DLG2: variants seen among roughly 807,000 people sequenced by gnomAD.
The protein encoded by DLG2 is disks large homolog 2.
Under a neutral mutation model 132.5 loss-of-function variants are expected in DLG2, and 45 were observed. That is an observed-to-expected ratio of 0.34 (90% CI 0.27 to 0.44). The LOEUF (loss-of-function observed/expected upper bound fraction) is 0.44. Ranked by LOEUF, DLG2 falls within the 20% of genes least tolerant of loss-of-function variation. The pLI is 1.00. For synonymous variants in DLG2, 424 were observed against 419.6 expected (o/e 1.01, Z -0.13); for missense variants, 1,045 against 1,196.9 (o/e 0.87, Z 1.87).
At chr11:84,778,439 A>G (rs1222932894) in intron 6 of DLG2, among the ~76,000 whole-genome samples, 1 of 152,088 alleles carries the variant, frequency 6.6e-6, no homozygotes, top group African/African-American at 2.4e-5. Flanking sequence ...CTTCTGGTTC[A>G]TTTTTGATTC....
chr11:85,403,184 C>A (rs2088347753), intron 3 of DLG2, among the ~76,000 whole-genome samples: 1 of 152,132 alleles, frequency 6.6e-6, no homozygotes, highest in South Asian at 2.1e-4. Context: ...GAGTTATTGT[C>A]CTTTGCAGAG....
At chr11:84,033,422 T>A (rs145512064) in intron 11 of DLG2, among the ~76,000 whole-genome samples, 1 of 152,216 alleles carries the variant, frequency 6.6e-6, no homozygotes, top group African/African-American at 2.4e-5. Context: ...CCTGAAGATA[T>A]GACTGAATTG....
At chr11:84,374,853 C>A (rs1415549669) in intron 7 of DLG2, among the ~76,000 whole-genome samples, 1 of 152,148 alleles carries the variant, frequency 6.6e-6, no homozygotes, top group Non-Finnish European at 1.5e-5. Context: ...CCCATCTTCA[C>A]CAAACATCAT....
At chr11:83,586,627 A>G (rs942527229) in intron 19 of DLG2, among the ~76,000 whole-genome samples, 10 of 152,206 alleles carry the variant, frequency 6.6e-5, no homozygotes, top group African/African-American at 2.4e-4. Context: ...AGTGCCACAT[A>G]CTGTTCTAAG....
intron 5 of DLG2, among the ~76,000 whole-genome samples, chr11:85,112,695 G>A (rs187844851): frequency 6.6e-5 from 10 of 152,148 alleles, no homozygotes; most frequent in African/African-American, 2.4e-4. Context: ...ACTTTCTAGT[G>A]GAGAAAACAG....
At chr11:83,671,836 C>A (rs769767131) in intron 18 of DLG2, among the ~76,000 whole-genome samples, 6 of 152,198 alleles carry the variant, frequency 3.9e-5, no homozygotes, top group Non-Finnish European at 5.9e-5. Flanking sequence ...CTTTTCACCA[C>A]ATATATAATT....
intron 6 of DLG2, among the ~76,000 whole-genome samples, chr11:84,657,223 C>A (rs2099689319): frequency 1.3e-5 from 2 of 152,016 alleles, no homozygotes; most frequent in Non-Finnish European, 1.5e-5. Flanking sequence ...AATCTAATGG[C>A]CAAAAAGTTC....
chr11:84,721,499 G>T (rs997016451), intron 6 of DLG2, among the ~76,000 whole-genome samples: 2 of 149,816 alleles, frequency 1.3e-5, no homozygotes, highest in African/African-American at 4.9e-5. Context: ...TTTATTGTTT[G>T]TTTGTTTTTT....
intron 11 of DLG2, among the ~76,000 whole-genome samples, chr11:84,033,006 T>C (rs542792787): frequency 5.9e-5 from 9 of 152,316 alleles, no homozygotes; most frequent in Admixed American, 5.2e-4. Flanking sequence ...TTTCAAAATA[T>C]TGTTGCTCAT....
rs187782817 is a variant in DLG2, at chr11:83,678,829, A to C, written c.1826-45504T>G. On this transcript the variant is annotated intron_variant, in intron 18 of 27. Coordinates refer to ENST00000376104, the MANE Select transcript of DLG2 (RefSeq NM_001142699.3). ...TGCCTTGAATTTGGTAGATTTACGA[A>C]CTTTTTATGTTTCATTTTTTATATC... Among the ~76,000 whole-genome samples, 396 of 152,280 alleles carry C rather than the reference A, an allele frequency of 2.6e-3. 3 individuals carry two copies. The highest frequency in any genetic ancestry group is 7.1e-3 in the African/African-American group (297 of 41,554).
intron 7 of DLG2, among the ~76,000 whole-genome samples, chr11:84,285,806 C>T (rs1433736401): frequency 6.6e-6 from 1 of 152,142 alleles, no homozygotes; most frequent in Non-Finnish European, 1.5e-5. Flanking sequence ...ACCTGAATTA[C>T]TTCATTATGG....
At chr11:83,590,404 G>A (rs1351260325) in intron 19 of DLG2, among the ~76,000 whole-genome samples, 7 of 152,178 alleles carry the variant, frequency 4.6e-5, no homozygotes, top group East Asian at 1.9e-4. Context: ...GATACATAAC[G>A]AAATGAAGGC....
At chr11:83,593,411 G>A (rs1262067102) in intron 19 of DLG2, among the ~76,000 whole-genome samples, 6 of 151,400 alleles carry the variant, frequency 4.0e-5, no homozygotes, top group Admixed American at 1.3e-4. Context: ...ACCAAACACC[G>A]CATATTCTCA....
chr11:83,771,502 A>G (rs868434627), intron 18 of DLG2, among the ~76,000 whole-genome samples: 2 of 152,210 alleles, frequency 1.3e-5, no homozygotes, highest in African/African-American at 4.8e-5. Flanking sequence ...GTATAGCCTA[A>G]TAGACAACTA....
chr11:85,619,174 G>C (rs2081535534), intron 2 of DLG2, among the ~76,000 whole-genome samples: 1 of 152,058 alleles, frequency 6.6e-6, no homozygotes, highest in Non-Finnish European at 1.5e-5. Flanking sequence ...GGTCAAAATT[G>C]TCCCTACGGG....
At chr11:84,665,795 T>G (rs1032316297) in intron 6 of DLG2, among the ~76,000 whole-genome samples, 1 of 152,190 alleles carries the variant, frequency 6.6e-6, no homozygotes, top group Non-Finnish European at 1.5e-5. Context: ...TCAATGTGCT[T>G]GATACCTAGT....
Position 85,271,527 on chromosome 11 carries a change from G to A in DLG2, c.186+13693C>T, listed in dbSNP as rs181902977. Among the ~76,000 whole-genome samples, 354 of 152,288 alleles carry A rather than the reference G, an allele frequency of 2.3e-3. 3 individuals carry two copies. Among genetic ancestry groups the A allele is most frequent in the African/African-American group, 8.1e-3 (338 of 41,548 alleles). On this transcript the variant is annotated intron_variant, in intron 4 of 27. Coordinates refer to ENST00000376104, the MANE Select transcript of DLG2 (RefSeq NM_001142699.3). ...GGTAGATCCACCCACAGCTTGCACC[G>A]TGCACCCAGAAAAGCCACAGACACT...
At chr11:84,130,526 ATATG>A (rs1488473676) in intron 9 of DLG2, among the ~76,000 whole-genome samples, 1 of 55,054 alleles carries the variant, frequency 1.8e-5, no homozygotes, top group Non-Finnish European at 4.5e-5. Context: ...ACACACACAT[ATATG>A]TGTGTGTGTA....
At chr11:84,560,595 A>G (rs999290332) in intron 6 of DLG2, among the ~76,000 whole-genome samples, 5 of 152,104 alleles carry the variant, frequency 3.3e-5, no homozygotes, top group African/African-American at 9.7e-5. Flanking sequence ...CTTCTTATAA[A>G]ATATTCTGGG....
Sources: gnomAD v4.1 joint callset for allele counts (sites outside exome capture counted in the v4.1 genomes callset) on GRCh38, gnomAD v4.1.1 for gene constraint, MANE v1.5 for transcripts, NCBI Gene and HGNC (gene_info 2026-07-23, HGNC 2026-07-21) for gene names.